Variants in VCF2 observed in about 807,000 individuals in gnomAD.
VCF2 encodes VCP nuclear cofactor family member 2.
the VCF2 span, chrX:55,160,689 GGAGA>G: frequency 3.6e-6 from 2 of 558,382 alleles, no homozygotes; most frequent in Non-Finnish European, 5.7e-6. Flanking sequence ...AGTAACACGT[GGAGA>G]AAGATGACAA....
the VCF2 span, among the ~76,000 whole-genome samples, chrX:55,160,069 T>A: frequency 8.9e-6 from 1 of 112,178 alleles, no homozygotes; most frequent in African/African-American, 3.2e-5. Context: ...GAGTACTGAG[T>A]ACAAAATGCC....
At chrX:55,149,547 T>C in the VCF2 span, among the ~76,000 whole-genome samples, 2 of 111,096 alleles carry the variant, frequency 1.8e-5, no homozygotes, top group African/African-American at 3.3e-5. Flanking sequence ...GGGACTATCA[T>C]GGAAGAGGTG....
the VCF2 span, among the ~76,000 whole-genome samples, chrX:55,156,636 T>C: frequency 8.9e-6 from 1 of 112,619 alleles, no homozygotes; most frequent in Non-Finnish European, 1.9e-5. Flanking sequence ...TTAACTTCTC[T>C]GTGCTGATGG....
At chrX:55,147,634 G>GTTTTCTTTT in the VCF2 span, among the ~76,000 whole-genome samples, 2 of 54,090 alleles carry the variant, frequency 3.7e-5, no homozygotes, top group Non-Finnish European at 6.3e-5. Context: ...GGCTTTCCTT[G>GTTTTCTTTT]TTTTTTTTTT....
the VCF2 span, among the ~76,000 whole-genome samples, chrX:55,148,057 T>C: frequency 5.4e-5 from 6 of 111,058 alleles, no homozygotes; most frequent in Non-Finnish European, 1.1e-4. Flanking sequence ...TATCATTCTA[T>C]ATCAGAAGTC....
chrX:55,156,809 TG>T, the VCF2 span, among the ~76,000 whole-genome samples: 1 of 110,762 alleles, frequency 9.0e-6, no homozygotes, highest in Non-Finnish European at 1.9e-5. Flanking sequence ...ATTCAGTAAA[TG>T]GGATTTGAAC....
chrX:55,159,114 G>C, the VCF2 span: 4 of 1,163,653 alleles, frequency 3.4e-6, no homozygotes, highest in Non-Finnish European at 4.6e-6. Flanking sequence ...GAGGCAATCT[G>C]ACCATACTTG....
the VCF2 span, among the ~76,000 whole-genome samples, chrX:55,153,518 C>T: frequency 9.3e-6 from 1 of 107,786 alleles, no homozygotes; most frequent in African/African-American, 3.4e-5. Context: ...CCACGCCCAG[C>T]TAATTTTTTT....
chrX:55,156,880 A>T, the VCF2 span, among the ~76,000 whole-genome samples: 1 of 112,412 alleles, frequency 8.9e-6, no homozygotes, highest in Non-Finnish European at 1.9e-5. Flanking sequence ...AAACATGTGG[A>T]CATATTCAAT....
At chrX:55,150,851 T>C in the VCF2 span, among the ~76,000 whole-genome samples, 24 of 111,588 alleles carry the variant, frequency 2.2e-4, no homozygotes, top group Non-Finnish European at 2.1e-4. Flanking sequence ...TTCATAAACA[T>C]TGAGCAGAAC....
At chrX:55,145,373 G>A in the VCF2 span, 1 of 748,751 alleles carries the variant, frequency 1.3e-6, no homozygotes, top group South Asian at 6.8e-5. Flanking sequence ...AGTCTGAAGT[G>A]CACACTCTAG....
At chrX:55,152,981 G>A in the VCF2 span, among the ~76,000 whole-genome samples, 5 of 112,178 alleles carry the variant, frequency 4.5e-5, no homozygotes, top group African/African-American at 1.6e-4. Flanking sequence ...TGTATATTCA[G>A]TGAAAGGCAG....
At chrX:55,148,933 CTGTT>C in the VCF2 span, among the ~76,000 whole-genome samples, 2 of 111,878 alleles carry the variant, frequency 1.8e-5, no homozygotes, top group African/African-American at 6.5e-5. Context: ...CAGGTTCTAA[CTGTT>C]TGTCATAGCC....
At chrX:55,152,184 C>A in the VCF2 span, among the ~76,000 whole-genome samples, 3 of 111,694 alleles carry the variant, frequency 2.7e-5, no homozygotes, top group African/African-American at 9.7e-5. Flanking sequence ...AGCCACCGTG[C>A]CCGGCCAAGC....
the VCF2 span, chrX:55,160,599 C>T: frequency 1.0e-4 from 42 of 421,391 alleles, no homozygotes; most frequent in Non-Finnish European, 1.6e-4. Flanking sequence ...TACGCTTTAA[C>T]AGTCTAACCA....
At chrX:55,145,575 TC>T in the VCF2 span, 4 of 755,147 alleles carry the variant, frequency 5.3e-6, no homozygotes, top group East Asian at 4.5e-4. Flanking sequence ...GTATGGCAGT[TC>T]ATTTCAGTGC....
the VCF2 span, among the ~76,000 whole-genome samples, chrX:55,151,685 A>G: frequency 1.1e-4 from 12 of 111,750 alleles, no homozygotes; most frequent in South Asian, 3.7e-4. Context: ...TATGTTTCAA[A>G]ATGAACTACA....
At chrX:55,153,863 C>T in the VCF2 span, among the ~76,000 whole-genome samples, 4 of 111,661 alleles carry the variant, frequency 3.6e-5, no homozygotes, top group Admixed American at 2.9e-4. Context: ...GGTTTAACCT[C>T]CTTTAGCCTA....
chrX:55,157,130 T>C, the VCF2 span, among the ~76,000 whole-genome samples: 1 of 112,560 alleles, frequency 8.9e-6, no homozygotes, highest in Non-Finnish European at 1.9e-5. Context: ...AACGATTTCA[T>C]CCCCAAAAAT....
Sources: allele counts gnomAD v4.1 joint callset (sites outside exome capture counted in the v4.1 genomes callset), GRCh38; gene constraint gnomAD v4.1.1; transcripts MANE v1.5; gene names NCBI Gene and HGNC (gene_info 2026-07-23, HGNC 2026-07-21).